ATAD2: variants seen among roughly 807,000 people sequenced by gnomAD.
ATAD2 encodes ATPase family AAA domain containing 2.
ATAD2 carries 62 observed loss-of-function variants against 168.9 expected under a neutral mutation model. That is an observed-to-expected ratio of 0.37 (90% confidence interval 0.30 to 0.45). ATAD2 has a LOEUF of 0.45. Ranked by LOEUF, ATAD2 falls within the 20% of genes least tolerant of loss-of-function variation. The pLI, the probability that ATAD2 is intolerant of heterozygous loss-of-function variation, is 1.00. For missense variants in ATAD2, 1,419 were observed against 1,667.8 expected (o/e 0.85, Z 2.60); for synonymous variants, 613 against 571.6 (o/e 1.07, Z -1.03).
rs541221298 is a variant in ATAD2 at position 123,407,481 on chromosome 8, C to T, written c.-2281-6306G>A. On this transcript the variant is annotated intron_variant, in intron 1 of 28. Coordinates refer to the ATAD2 transcript ENST00000521903. ...GCTCACACCTGCAATCCCAGCACTT[C>T]GGGAGGCTGAGGCAGGTGGATCATC... Among the ~76,000 whole-genome samples the T allele has an allele frequency of 1.4e-4, 21 of 152,064 alleles. No individual in the cohort carries two copies. The South Asian group carries it at 2.7e-3, about 20-fold the overall frequency.
At chr8:123,405,282 G>A (rs1247738651) in intron 1 of ATAD2, among the ~76,000 whole-genome samples, 2 of 142,248 alleles carry the variant, frequency 1.4e-5, no homozygotes, top group African/African-American at 5.2e-5. Flanking sequence ...TTGAGACGCA[G>A]TTTTGCTCTT....
chr8:123,373,216 G>C (rs1405986762), intron 2 of ATAD2, among the ~76,000 whole-genome samples: 1 of 150,520 alleles, frequency 6.6e-6, no homozygotes, highest in African/African-American at 2.5e-5. Context: ...TTTTTTTGTA[G>C]AGATGGGGCG....
intron 2 of ATAD2, among the ~76,000 whole-genome samples, chr8:123,375,354 G>A (rs756114094): frequency 6.6e-6 from 1 of 152,168 alleles, no homozygotes; most frequent in Non-Finnish European, 1.5e-5. Flanking sequence ...TGTTAAAATG[G>A]CGAACACCAA....
chr8:123,408,830 C>CTT (rs763955875), intron 1 of ATAD2, among the ~76,000 whole-genome samples: 33 of 140,946 alleles, frequency 2.3e-4, no homozygotes, highest in Non-Finnish European at 3.3e-4. Context: ...AAGATATATT[C>CTT]TTTTTTTTTT....
rs1430029755 is a variant in ATAD2, at chr8:123,333,881, G to A, written c.3475C>T (p.Pro1159Ser). 1.2e-6 allele frequency: 2 copies of A among 1,610,654 alleles called. No individual in the cohort carries two copies. Among genetic ancestry groups the A allele is most frequent in the African/African-American group, 1.3e-5 (1 of 74,924 alleles). ...TGAAAACTACTTGAGTACTTACCAG[G>A]AGTGCTGCAAGCCACAGGAGTACTC... ...TPSTPVACST[P>S]AQLKRKIRKK... Residue 1159 changes from proline to serine, a missense_variant, in exon 24 of 28, where the codon CCT becomes TCT. Pro to Ser is a moderately conservative substitution (Grantham distance 74). Coordinates refer to ENST00000287394, the MANE Select transcript of ATAD2 (RefSeq NM_014109.4).
chr8:123,388,370 T>G (rs542861016), intron 1 of ATAD2, among the ~76,000 whole-genome samples: 6 of 152,178 alleles, frequency 3.9e-5, no homozygotes, highest in South Asian at 2.1e-4. Context: ...GGCTACTGAT[T>G]ATGTATTTTA....
At chr8:123,389,410 C>T (rs1463879389) in intron 1 of ATAD2, among the ~76,000 whole-genome samples, 7 of 150,044 alleles carry the variant, frequency 4.7e-5, no homozygotes, top group East Asian at 2.0e-4. Context: ...GAGGCCAAGG[C>T]GGGCGGATCA....
rs188123669 is a variant in ATAD2 at position 123,373,057 on chromosome 8, T to C, written c.321-371A>G. Among the ~76,000 whole-genome samples, 8 of 152,120 alleles carry C rather than the reference T, an allele frequency of 5.3e-5. No homozygotes were observed. In the East Asian group the frequency reaches 1.5e-3, roughly 29 times the overall value. On this transcript the variant is annotated intron_variant, in intron 2 of 27. Coordinates refer to ENST00000287394, the MANE Select transcript of ATAD2 (RefSeq NM_014109.4). Reference sequence around the variant, plus strand: ...ATAGGCTCCTGTCATCTCGCCCGGCTAATTTTTTGGATTTTTAGTAGAGAC... The same window carrying C: ...ATAGGCTCCTGTCATCTCGCCCGGCCAATTTTTTGGATTTTTAGTAGAGAC...
At chr8:123,379,341 T>C (rs1321528430) in intron 2 of ATAD2, among the ~76,000 whole-genome samples, 3 of 152,090 alleles carry the variant, frequency 2.0e-5, no homozygotes, top group Admixed American at 2.0e-4. Context: ...TAAAAAACTT[T>C]ATAGCAAGCA....
At chr8:123,389,440 C>G (rs765032342) in intron 1 of ATAD2, among the ~76,000 whole-genome samples, 3 of 150,256 alleles carry the variant, frequency 2.0e-5, no homozygotes, top group Non-Finnish European at 3.0e-5. Flanking sequence ...GAGATTGAGA[C>G]CATCCTGGCT....
intron 1 of ATAD2, among the ~76,000 whole-genome samples, chr8:123,407,592 C>T (rs564170004): frequency 4.6e-5 from 7 of 151,962 alleles, no homozygotes; most frequent in African/African-American, 7.3e-5. Context: ...GGTGTGGTGG[C>T]GGGCGCCTGT....
At chr8:123,361,757 A>T in intron 8 of ATAD2, 111 bp from the exon 9 acceptor site, 2 of 769,138 alleles carry the variant, frequency 2.6e-6, no homozygotes, top group Non-Finnish European at 4.2e-6. Context: ...CATAAAATTA[A>T]TACATCTGCT....
rs907398965 is a variant in ATAD2 at position 123,328,336 on chromosome 8, T to C, written c.3722A>G (p.Asn1241Ser). ...CTCTATATTACAAGTATTTGAATTA[T>C]TTCTCAATTCCAGTTTGCTTTCAGA... ...NASESKLELR[N>S]NSNTCNIENE... Residue 1241 changes from asparagine to serine, a missense_variant, in exon 25 of 28, where the codon AAT becomes AGT. Coordinates refer to ENST00000287394, the MANE Select transcript of ATAD2 (RefSeq NM_014109.4). 1.2e-6 allele frequency: 2 copies of C among 1,608,280 alleles called. No individual in the cohort carries two copies. Among genetic ancestry groups the C allele is most frequent in the African/African-American group, 2.7e-5 (2 of 74,720 alleles).
chr8:123,399,341 C>A (rs1441000767), upstream of ATAD2, among the ~76,000 whole-genome samples: 1 of 152,048 alleles, frequency 6.6e-6, no homozygotes, highest in African/African-American at 2.4e-5. Context: ...TTAATTGAGC[C>A]CCCATCTTAT....
intron 1 of ATAD2, among the ~76,000 whole-genome samples, chr8:123,411,547 A>T (rs1813160049): frequency 6.6e-6 from 1 of 152,162 alleles, no homozygotes; most frequent in African/African-American, 2.4e-5. Context: ...AACTTAGCTC[A>T]AACCCAACCA....
At chr8:123,354,998 T>C (rs1246723697) in intron 13 of ATAD2, among the ~76,000 whole-genome samples, 1 of 151,246 alleles carries the variant, frequency 6.6e-6, no homozygotes, top group Admixed American at 6.6e-5. Flanking sequence ...TACTTGATTA[T>C]GAAGTGATGG....
At chr8:123,322,573 G>C (rs1827497085) in intron 27 of ATAD2, among the ~76,000 whole-genome samples, 2 of 152,132 alleles carry the variant, frequency 1.3e-5, no homozygotes, top group African/African-American at 4.8e-5. Flanking sequence ...GGAGGCTGAG[G>C]CAGGAGGATC....
intron 11 of ATAD2, 44 bp from the exon 12 acceptor site, chr8:123,357,780 C>T (rs757932473): frequency 6.6e-7 from 1 of 1,510,946 alleles, no homozygotes; most frequent in Non-Finnish European, 8.9e-7. Context: ...ATTTAAAAAG[C>T]AGACTTTTAA....
intron 9 of ATAD2, among the ~76,000 whole-genome samples, chr8:123,361,274 G>A (rs1418232509): frequency 6.7e-6 from 1 of 148,966 alleles, no homozygotes; most frequent in African/African-American, 2.5e-5. Context: ...CCAAGATCAC[G>A]CCACTGTACT....
Sources: allele counts gnomAD v4.1 joint callset (sites outside exome capture counted in the v4.1 genomes callset), GRCh38; gene constraint gnomAD v4.1.1; transcripts MANE v1.5; gene names NCBI Gene and HGNC (gene_info 2026-07-23, HGNC 2026-07-21).